LYRM4: variants seen among roughly 807,000 people sequenced by gnomAD.
LYRM4 encodes the protein LYR motif containing 4.
Under a neutral mutation model 11.7 loss-of-function variants are expected in LYRM4, and 9 were observed. The observed-to-expected ratio is 0.77, with a 90% CI of 0.46 to 1.34. The LOEUF (loss-of-function observed/expected upper bound fraction) is 1.34. Ranked by LOEUF, LYRM4 falls within the 40% of genes most tolerant of loss-of-function variation. The pLI, the probability that LYRM4 is intolerant of heterozygous loss-of-function variation, is 0.00. For synonymous variants in LYRM4, 42 were observed against 40.4 expected, an observed-to-expected ratio of 1.04 and a Z score of -0.15; for missense variants, 133 against 112.5, an observed-to-expected ratio of 1.18 and a Z score of -0.82.
At chr6:5,233,689 T>C (rs947443879) in intron 1 of LYRM4, among the ~76,000 whole-genome samples, 1 of 152,220 alleles carries the variant, frequency 6.6e-6, no homozygotes, top group African/African-American at 2.4e-5. Flanking sequence ...TTGCCCAGGC[T>C]GGACTCCAAC....
At chr6:5,086,276 C>T in the LYRM4 span, 2 of 1,535,532 alleles carry the variant, frequency 1.3e-6, no homozygotes, top group Admixed American at 2.0e-5. Flanking sequence ...CTGGACGTGC[C>T]GGCTGAGCTG....
intron 2 of LYRM4, among the ~76,000 whole-genome samples, chr6:5,127,589 A>G (rs1478342833): frequency 6.6e-6 from 1 of 152,246 alleles, no homozygotes; most frequent in Non-Finnish European, 1.5e-5. Context: ...TATAAAATAC[A>G]GACTGGGTTT....
At chr6:5,098,347 C>T in the LYRM4 span, among the ~76,000 whole-genome samples, 1 of 152,210 alleles carries the variant, frequency 6.6e-6, no homozygotes, top group Non-Finnish European at 1.5e-5. Context: ...TGATGTAGGG[C>T]CAGGCTGCCT....
At position 5,109,428 on chromosome 6, in the gene LYRM4, T is replaced by C; in HGVS notation, c.271A>G (p.Thr91Ala). 1 of 1,614,032 alleles carries C rather than the reference T, an allele frequency of 6.2e-7. No homozygotes were observed. Among genetic ancestry groups the C allele is most frequent in the East Asian group, 2.2e-5 (1 of 44,868 alleles). ...GGTGGCTGGTCCCCGGCTTGCTAGGTCCTGGGCATGTCTCGATTCTCAATG... is the reference window on the plus strand; with the variant it reads ...GGTGGCTGGTCCCCGGCTTGCTAGGCCCTGGGCATGTCTCGATTCTCAATG... ...LIIENRDMPR[T>A] The change falls in exon 3 of 3, where the codon ACC (threonine) becomes GCC (alanine). Residue 91 changes from threonine (T) to alanine (A), a missense_variant. Thr to Ala is a moderately conservative substitution (Grantham distance 58, BLOSUM62 0). Coordinates refer to ENST00000330636, the MANE Select transcript of LYRM4 (RefSeq NM_020408.6).
chr6:5,093,876 A>T, the LYRM4 span, among the ~76,000 whole-genome samples: 1 of 152,224 alleles, frequency 6.6e-6, no homozygotes, highest in African/African-American at 2.4e-5. Context: ...CAGGGTCTGA[A>T]AATGCAATGT....
chr6:5,062,582 G>A, the LYRM4 span, among the ~76,000 whole-genome samples: 1 of 152,122 alleles, frequency 6.6e-6, no homozygotes, highest in Non-Finnish European at 1.5e-5. Flanking sequence ...TGGCCAAAGG[G>A]ATGGTATCAC....
At chr6:5,234,876 A>C (rs1184570253) in intron 1 of LYRM4, among the ~76,000 whole-genome samples, 2 of 152,180 alleles carry the variant, frequency 1.3e-5, no homozygotes, top group Non-Finnish European at 2.9e-5. Flanking sequence ...CTAGCAAGCA[A>C]AATTCGGTTT....
the LYRM4 span, among the ~76,000 whole-genome samples, chr6:5,077,070 G>A: frequency 1.1e-4 from 16 of 152,284 alleles, no homozygotes; most frequent in African/African-American, 2.4e-4. Context: ...GTCCTAGGCC[G>A]GGGTGCTGCT....
At chr6:5,146,674 G>C (rs1038514144) in intron 2 of LYRM4, among the ~76,000 whole-genome samples, 4 of 152,206 alleles carry the variant, frequency 2.6e-5, no homozygotes, top group African/African-American at 9.7e-5. Flanking sequence ...TACCTGTCCA[G>C]TGAACAGCTT....
chr6:5,138,616 C>A, intron 2 of LYRM4: 1 of 854,412 alleles, frequency 1.2e-6, no homozygotes. Context: ...CACAAGAAAA[C>A]CTTATATACT....
At chr6:5,173,064 A>G (rs1441736988) in intron 2 of LYRM4, among the ~76,000 whole-genome samples, 2 of 152,244 alleles carry the variant, frequency 1.3e-5, no homozygotes, top group African/African-American at 4.8e-5. Flanking sequence ...TTTAATGTGC[A>G]TTATAGAAAC....
chr6:5,238,248 T>C (rs1244452192), intron 1 of LYRM4, among the ~76,000 whole-genome samples: 1 of 152,180 alleles, frequency 6.6e-6, no homozygotes, highest in Non-Finnish European at 1.5e-5. Flanking sequence ...ATAAACTATA[T>C]ACTGAGAGAC....
chr6:5,251,606 C>G lies in LYRM4; in HGVS notation c.86+9042G>C, dbSNP rs557207974. On this transcript the variant is annotated intron_variant, in intron 1 of 2. Coordinates refer to ENST00000330636, the MANE Select transcript of LYRM4 (RefSeq NM_020408.6). ...TCACTCATTATTGTGAGGACAGTACCAAGGGGAATGGTGCTAAACTATTCA... is the reference window on the plus strand; with the variant it reads ...TCACTCATTATTGTGAGGACAGTACGAAGGGGAATGGTGCTAAACTATTCA... Among the ~76,000 whole-genome samples, 7 of 152,278 alleles carry G rather than the reference C, an allele frequency of 4.6e-5. No individual in the cohort carries two copies. The East Asian group carries it at 1.3e-3, about 29-fold the overall frequency.
chr6:5,228,498 G>C (rs1467885267), intron 1 of LYRM4, among the ~76,000 whole-genome samples: 1 of 151,948 alleles, frequency 6.6e-6, no homozygotes, highest in East Asian at 1.9e-4. Flanking sequence ...GGCTGGTATT[G>C]AACTCCTGAC....
chr6:5,256,451 T>C lies in LYRM4; in HGVS notation c.86+4197A>G, dbSNP rs187329951. ...GTTGCAGTGAGCCAAGATCGCACCA[T>C]TGCCCTCCAGCCTGGGCAACAAGGG... On this transcript the variant is annotated intron_variant, in intron 1 of 2. Transcript: ENST00000330636. Among the ~76,000 whole-genome samples, 288 of 113,862 alleles carry C rather than the reference T, an allele frequency of 2.5e-3. 4 individuals carry two copies. The highest frequency in any genetic ancestry group is 8.9e-3 in the African/African-American group (262 of 29,282). The allele number at this position is 113,862 out of a possible 152,430, so 74.7% of individuals were successfully genotyped here. A position where few individuals can be genotyped will look rare whatever the true frequency, so the allele number is the denominator to read the frequency against.
At chr6:5,200,182 A>G (rs1761305982) in intron 2 of LYRM4, among the ~76,000 whole-genome samples, 1 of 152,300 alleles carries the variant, frequency 6.6e-6, no homozygotes, top group Middle Eastern at 3.4e-3. Flanking sequence ...GGTTTACATG[A>G]TAAGCGTGTC....
the LYRM4 span, among the ~76,000 whole-genome samples, chr6:5,069,285 G>A: frequency 4.0e-5 from 6 of 151,522 alleles, no homozygotes; most frequent in Non-Finnish European, 5.9e-5. Flanking sequence ...CTACTAATAC[G>A]TACTCTATTA....
the LYRM4 span, chr6:5,086,403 G>A: frequency 6.5e-7 from 1 of 1,536,258 alleles, no homozygotes; most frequent in East Asian, 2.4e-5. Context: ...CGCTGTGCCT[G>A]CCCCCGGGCC....
intron 1 of LYRM4, among the ~76,000 whole-genome samples, chr6:5,254,271 A>T (rs1016155222): frequency 1.3e-5 from 2 of 152,228 alleles, no homozygotes; most frequent in African/African-American, 4.8e-5. Context: ...CTTCTCGCTA[A>T]CCAACTTCCA....
Sources: gnomAD v4.1 joint callset for allele counts (sites outside exome capture counted in the v4.1 genomes callset) on GRCh38, gnomAD v4.1.1 for gene constraint, MANE v1.5 for transcripts, NCBI Gene and HGNC (gene_info 2026-07-23, HGNC 2026-07-21) for gene names.